The following MRTFB variants were observed in gnomAD, a reference collection of about 807,000 sequenced individuals.
MRTFB encodes the protein myocardin related transcription factor B.
In MRTFB, 29 loss-of-function variants were observed where a neutral mutation model predicts 104.2. The ratio of observed to expected loss-of-function variants is 0.28; its 90% confidence interval spans 0.21 to 0.38. The LOEUF (loss-of-function observed/expected upper bound fraction) is 0.38, where lower values mean the gene tolerates loss of function less well. Among genes scored for constraint, MRTFB ranks in the 10% least tolerant of loss-of-function variants. The pLI is 1.00. For missense variants in MRTFB, 1,270 were observed against 1,341.6 expected, an observed-to-expected ratio of 0.95 and a Z score of 0.83; for synonymous variants, 535 against 519.5, an observed-to-expected ratio of 1.03 and a Z score of -0.41.
the MRTFB span, chr16:14,009,873 A>G: frequency 6.6e-6 from 1 of 151,958 alleles, no homozygotes; most frequent in Admixed American, 6.6e-5. Flanking sequence ...CATCTTCTTT[A>G]TCTCTCTCAA....
At chr16:14,113,737 A>G (rs1027262795) in intron 2 of MRTFB, among the ~76,000 whole-genome samples, 3 of 152,176 alleles carry the variant, frequency 2.0e-5, no homozygotes, top group African/African-American at 7.2e-5. Context: ...GGTGATCAAT[A>G]GAGAACTCTA....
chr16:14,044,725 C>A, the MRTFB span, among the ~76,000 whole-genome samples: 1 of 152,208 alleles, frequency 6.6e-6, no homozygotes, highest in African/African-American at 2.4e-5. Flanking sequence ...GCCATATTAT[C>A]TTGGTTTGAG....
chr16:14,233,219 A>G (rs1329801080), intron 8 of MRTFB, among the ~76,000 whole-genome samples: 3 of 152,176 alleles, frequency 2.0e-5, no homozygotes, highest in Middle Eastern at 6.8e-3. Context: ...TTAACTATGG[A>G]GAGATAATGT....
chr16:14,130,577 C>T (rs2037387973), intron 2 of MRTFB, among the ~76,000 whole-genome samples: 1 of 152,318 alleles, frequency 6.6e-6, no homozygotes, highest in South Asian at 2.1e-4. Context: ...TATTAAACTG[C>T]CAGAATTTTG....
intron 8 of MRTFB, among the ~76,000 whole-genome samples, chr16:14,231,189 C>T (rs1284393090): frequency 3.3e-5 from 5 of 151,200 alleles, no homozygotes; most frequent in African/African-American, 4.9e-5. Flanking sequence ...TGCTAAATGA[C>T]GAGTTAATGG....
chr16:14,023,618 T>A, the MRTFB span, among the ~76,000 whole-genome samples: 9 of 57,778 alleles, frequency 1.6e-4, no homozygotes, highest in African/African-American at 5.0e-4. Flanking sequence ...CACATACATA[T>A]ACATATACAT....
At chr16:14,015,514 C>T in the MRTFB span, among the ~76,000 whole-genome samples, 4 of 152,092 alleles carry the variant, frequency 2.6e-5, no homozygotes, top group African/African-American at 9.7e-5. Flanking sequence ...CTCAACACAC[C>T]GGCAGGAAAT....
Position 14,261,173 on chromosome 16 carries a change from C to G in MRTFB, c.3029C>G (p.Ser1010Cys). ...QSSSEDREPFSLIEDLQNDLL... is the reference protein window; with the variant it reads ...QSSSEDREPFCLIEDLQNDLL... Reference sequence around the variant, plus strand: ...AGCAGTGAAGACAGAGAGCCCTTCTCTCTGATCGAGGACCTCCAGAATGAT... The same window carrying G: ...AGCAGTGAAGACAGAGAGCCCTTCTGTCTGATCGAGGACCTCCAGAATGAT... Residue 1010 changes from serine to cysteine, a missense_variant, in exon 17 of 17, where the codon TCT becomes TGT. Ser to Cys is a moderately radical substitution (Grantham distance 112). Coordinates refer to ENST00000571589, the MANE Select transcript of MRTFB (RefSeq NM_001308142.2). The G allele has an allele frequency of 6.2e-7, 1 of 1,614,244 alleles. No homozygotes were observed. Among genetic ancestry groups the G allele is most frequent in the Non-Finnish European group, 8.5e-7 (1 of 1,180,048 alleles).
intron 9 of MRTFB, among the ~76,000 whole-genome samples, chr16:14,235,080 C>G (rs2042435421): frequency 6.6e-6 from 1 of 152,122 alleles, no homozygotes; most frequent in African/African-American, 2.4e-5. Flanking sequence ...AGGAAGGGTC[C>G]CAACCTCCCG....
chr16:14,084,105 T>A (rs1371064828), intron 2 of MRTFB, among the ~76,000 whole-genome samples: 2 of 152,232 alleles, frequency 1.3e-5, no homozygotes, highest in Admixed American at 6.5e-5. Flanking sequence ...GTTCTTTGTT[T>A]TTCAGTCTAT....
At chr16:14,223,270 A>C (rs1362483400) in intron 8 of MRTFB, among the ~76,000 whole-genome samples, 1 of 152,030 alleles carries the variant, frequency 6.6e-6, no homozygotes, top group African/African-American at 2.4e-5. Flanking sequence ...AGATCATACC[A>C]CTATACTCTA....
intron 3 of MRTFB, among the ~76,000 whole-genome samples, chr16:14,184,024 A>G (rs1475651092): frequency 6.6e-6 from 1 of 151,350 alleles, no homozygotes; most frequent in Non-Finnish European, 1.5e-5. Context: ...ATTGTGACCT[A>G]AAAACAGTTG....
At chr16:14,090,110 CAT>C (rs950982671) in intron 2 of MRTFB, among the ~76,000 whole-genome samples, 8 of 151,972 alleles carry the variant, frequency 5.3e-5, no homozygotes, top group African/African-American at 1.9e-4. Flanking sequence ...TCACTTTCTT[CAT>C]GTTGTTCTCT....
At chr16:14,034,066 G>T in the MRTFB span, among the ~76,000 whole-genome samples, 2 of 152,144 alleles carry the variant, frequency 1.3e-5, no homozygotes, top group Non-Finnish European at 2.9e-5. Flanking sequence ...AGCTCCTAGG[G>T]CTCTGCTAGA....
At chr16:14,111,770 C>G (rs918633313) in intron 2 of MRTFB, among the ~76,000 whole-genome samples, 8 of 152,146 alleles carry the variant, frequency 5.3e-5, no homozygotes, top group Middle Eastern at 3.2e-3. Context: ...CCTGGTTCCC[C>G]CTTTTTCTCG....
intron 3 of MRTFB, among the ~76,000 whole-genome samples, chr16:14,209,259 T>G (rs2041085097): frequency 6.6e-6 from 1 of 152,198 alleles, no homozygotes; most frequent in Non-Finnish European, 1.5e-5. Context: ...TGTCTTCTCT[T>G]CCCACCATTT....
At position 14,142,140 on chromosome 16, in the gene MRTFB, A is replaced by G. The variant is rs555920671; in HGVS notation, c.154+1380A>G. The G allele has an allele frequency of 2.6e-5, 4 of 151,992 alleles. 1 individual carries two copies. The highest frequency in any genetic ancestry group is 7.2e-5 in the African/African-American group (3 of 41,420). The allele number at this position is 151,992 out of a possible 1,614,324, so 9.4% of individuals were successfully genotyped here. A position where few individuals can be genotyped will look rare whatever the true frequency, so the allele number is the denominator to read the frequency against. ...AGGCCTGAGTCACAGCACCCGGCCA[A>G]TTTTGATAGGTTTAAAGCAGCATCT... On this transcript the variant is annotated intron_variant, in intron 3 of 16. Coordinates refer to ENST00000571589, the MANE Select transcript of MRTFB (RefSeq NM_001308142.2).
At chr16:14,133,458 T>C (rs2037545357) in intron 2 of MRTFB, among the ~76,000 whole-genome samples, 1 of 152,222 alleles carries the variant, frequency 6.6e-6, no homozygotes. Context: ...CTTAGACAAG[T>C]AAATCAAACT....
At chr16:14,153,425 T>C (rs572111309) in intron 3 of MRTFB, among the ~76,000 whole-genome samples, 16 of 152,244 alleles carry the variant, frequency 1.1e-4, no homozygotes, top group Non-Finnish European at 1.9e-4. Context: ...GCTGAACCAA[T>C]GAAACCTCTG....
Sources: gnomAD v4.1 joint callset for allele counts (sites outside exome capture counted in the v4.1 genomes callset) on GRCh38, gnomAD v4.1.1 for gene constraint, MANE v1.5 for transcripts, NCBI Gene and HGNC (gene_info 2026-07-23, HGNC 2026-07-21) for gene names.